The following BNC2 variants were observed in gnomAD, a reference collection of about 807,000 sequenced individuals.
The protein encoded by BNC2 is zinc finger protein basonuclin-2.
A neutral mutation model predicts 76.3 loss-of-function variants in BNC2; 20 were observed. The ratio of observed to expected loss-of-function variants is 0.26; its 90% CI spans 0.18 to 0.38. The LOEUF is 0.38. BNC2 is among the 10% of genes least tolerant of loss of function. The probability of loss-of-function intolerance (pLI) is 1.00; values close to 1 mark genes in which losing one functional copy is unlikely to be tolerated. For missense variants in BNC2, 1,382 were observed against 1,399.8 expected (o/e 0.99, Z 0.20); for synonymous variants, 582 against 514.8 (o/e 1.13, Z -1.77).
chr9:16,733,200 A>G (rs1486935720), intron 2 of BNC2, among the ~76,000 whole-genome samples: 1 of 152,196 alleles, frequency 6.6e-6, no homozygotes. Flanking sequence ...GGCTGTGTGA[A>G]ATGTTAACAG....
At chr9:16,831,338 C>A in intron 1 of BNC2, among the ~76,000 whole-genome samples, 1 of 152,338 alleles carries the variant, frequency 6.6e-6, no homozygotes, top group South Asian at 2.1e-4. Flanking sequence ...CTTCAATGAC[C>A]ATTTTCATTC....
chr9:16,464,094 CAA>C (rs1324549679), intron 5 of BNC2, among the ~76,000 whole-genome samples: 530 of 34,638 alleles, frequency 0.015, 1 homozygote, highest in African/African-American at 0.038. Context: ...ACCCTGTCTC[CAA>C]AAAAAAAAAA....
chr9:16,647,571 G>C (rs941686211), intron 3 of BNC2, among the ~76,000 whole-genome samples: 1 of 152,150 alleles, frequency 6.6e-6, no homozygotes, highest in Non-Finnish European at 1.5e-5. Flanking sequence ...TGGGAAAAGT[G>C]TAAGATGACA....
intron 3 of BNC2, among the ~76,000 whole-genome samples, chr9:16,589,763 C>A (rs1023357914): frequency 6.6e-6 from 1 of 152,122 alleles, no homozygotes; most frequent in Non-Finnish European, 1.5e-5. Context: ...CCGCCTCGGC[C>A]TCTCAAAGTG....
intron 3 of BNC2, among the ~76,000 whole-genome samples, chr9:16,593,315 G>C (rs1441936509): frequency 6.6e-6 from 1 of 152,058 alleles, no homozygotes; most frequent in Non-Finnish European, 1.5e-5. Flanking sequence ...CAGGGAGAAA[G>C]GGACACACAC....
At chr9:16,520,163 G>A (rs916298484) in intron 5 of BNC2, among the ~76,000 whole-genome samples, 8 of 152,134 alleles carry the variant, frequency 5.3e-5, no homozygotes, top group East Asian at 1.9e-4. Flanking sequence ...AACCTTTCCC[G>A]TGCTTCTTGA....
intron 3 of BNC2, among the ~76,000 whole-genome samples, chr9:16,689,731 C>A (rs1000674437): frequency 5.3e-5 from 8 of 151,964 alleles, no homozygotes; most frequent in Non-Finnish European, 7.4e-5. Context: ...ACAAGCACTG[C>A]CGGATTCCAA....
rs568887080 is a variant in BNC2 at position 16,714,898 on chromosome 9, C to T, written c.330+12899G>A. ...GATAATTTCTTTTAAAGAGACCCTT[C>T]AAAAAATATAGACAGGCATTTTAAA... On this transcript the variant is annotated intron_variant, in intron 3 of 6. Transcript: ENST00000380672. Among the ~76,000 whole-genome samples, 19 of 152,246 alleles carry T rather than the reference C, an allele frequency of 1.2e-4. 1 individual carries two copies. The South Asian group carries it at 3.3e-3, about 27-fold the overall frequency.
chr9:16,828,360 C>G (rs898024531), intron 1 of BNC2, among the ~76,000 whole-genome samples: 1 of 152,144 alleles, frequency 6.6e-6, no homozygotes, highest in South Asian at 2.1e-4. Context: ...ATAATACTTA[C>G]AAAACCCTAA....
intron 6 of BNC2, among the ~76,000 whole-genome samples, chr9:16,424,643 G>A (rs1405630568): frequency 6.6e-6 from 1 of 152,124 alleles, no homozygotes; most frequent in Non-Finnish European, 1.5e-5. Context: ...GTACATATAT[G>A]TATATGGGGA....
intron 1 of BNC2, among the ~76,000 whole-genome samples, chr9:16,804,487 A>G (rs1817856708): frequency 6.6e-6 from 1 of 152,224 alleles, no homozygotes; most frequent in Non-Finnish European, 1.5e-5. Flanking sequence ...TCACAAGCAC[A>G]TATGCTGGAC....
At chr9:16,720,035 T>G (rs2134856191) in intron 3 of BNC2, among the ~76,000 whole-genome samples, 1 of 152,312 alleles carries the variant, frequency 6.6e-6, no homozygotes, top group East Asian at 1.9e-4. Flanking sequence ...TTATACAGGC[T>G]AAGGATCAAA....
intron 1 of BNC2, among the ~76,000 whole-genome samples, chr9:16,738,803 A>C (rs1824756076): frequency 1.3e-5 from 2 of 151,458 alleles, no homozygotes; most frequent in Non-Finnish European, 2.9e-5. Flanking sequence ...AGGGAATACT[A>C]ATCACCCCCA....
chr9:16,867,934 G>T (rs1159293872), intron 1 of BNC2: 6 of 152,012 alleles, frequency 3.9e-5, no homozygotes, highest in Admixed American at 3.9e-4. Flanking sequence ...GCTCTCTGGG[G>T]ATGTCACACA....
intron 3 of BNC2, among the ~76,000 whole-genome samples, chr9:16,719,235 G>T (rs1172624360): frequency 6.6e-6 from 1 of 152,058 alleles, no homozygotes; most frequent in African/African-American, 2.4e-5. Context: ...ACTGGCAGAG[G>T]GCGCAGTAGT....
At chr9:16,476,814 A>G (rs1460209741) in intron 5 of BNC2, among the ~76,000 whole-genome samples, 1 of 152,206 alleles carries the variant, frequency 6.6e-6, no homozygotes, top group Non-Finnish European at 1.5e-5. Context: ...ATTTAATATT[A>G]CAAGGTGATC....
Position 16,418,690 on chromosome 9 carries a change from G to GTA in BNC2, c.*297_*298dup, listed in dbSNP as rs1491405135. On this transcript the variant is annotated 3_prime_UTR_variant, in exon 7 of 7. Coordinates refer to ENST00000380672, the MANE Select transcript of BNC2 (RefSeq NM_017637.6). ...TGTGTGTGTGTGTGTGTGTGTGTGT[G>GTA]TATGTGCATGTGTGTGTGTGTGTGT... The GTA allele has an allele frequency of 5.9e-6, 2 of 340,712 alleles. No homozygotes were observed. Among genetic ancestry groups the GTA allele is most frequent in the East Asian group, 1.4e-4 (2 of 14,602 alleles). The allele number at this position is 340,712 out of a possible 1,614,324, so 21.1% of individuals were successfully genotyped here.
intron 6 of BNC2, among the ~76,000 whole-genome samples, chr9:16,432,196 T>A (rs1304763370): frequency 6.6e-6 from 1 of 152,206 alleles, no homozygotes; most frequent in East Asian, 1.9e-4. Flanking sequence ...CACACACTCA[T>A]TTACAACTAT....
intron 5 of BNC2, among the ~76,000 whole-genome samples, chr9:16,532,492 T>C (rs1818012959): frequency 6.6e-6 from 1 of 152,180 alleles, no homozygotes; most frequent in African/African-American, 2.4e-5. Context: ...CCTATCTTCC[T>C]ATTCACCAGA....
Sources: gnomAD v4.1 joint callset for allele counts (sites outside exome capture counted in the v4.1 genomes callset) on GRCh38, gnomAD v4.1.1 for gene constraint, MANE v1.5 for transcripts, NCBI Gene and HGNC (gene_info 2026-07-23, HGNC 2026-07-21) for gene names.